RASSF7: variants seen among roughly 807,000 people sequenced by gnomAD.
RASSF7 encodes ras association domain-containing protein 7.
A neutral mutation model predicts 33.8 loss-of-function variants in RASSF7; 41 were observed. The observed-to-expected ratio is 1.21, with a 90% CI of 0.95 to 1.57. RASSF7 has a LOEUF of 1.57. Ranked by LOEUF, RASSF7 falls within the 40% of genes most tolerant of loss-of-function variation. The pLI is 0.00. For missense variants in RASSF7, 622 were observed against 497.0 expected (o/e 1.25, Z -2.39); for synonymous variants, 298 against 212.8 (o/e 1.40, Z -3.48).
In RASSF7 at chr11:561,412, G is replaced by A; in HGVS notation, c.-73G>A. ...GGGGTGGGGCGTTCCCATGCCGGCG[G>A]CCGCGGGGCCTGGCGTGCGGGCGCC... On this transcript the variant is annotated 5_prime_UTR_variant, in exon 1 of 6. Coordinates refer to ENST00000397583, the MANE Select transcript of RASSF7 (RefSeq NM_003475.4). The A allele has an allele frequency of 8.8e-7, 1 of 1,130,002 alleles. No individual in the cohort carries two copies. The highest frequency in any genetic ancestry group is 1.1e-6 in the Non-Finnish European group (1 of 918,490). 70.0% of individuals were successfully genotyped at this position (1,130,002 alleles called of 1,614,324 possible). A position where few individuals can be genotyped will look rare whatever the true frequency, so the allele number is the denominator to read the frequency against.
chr11:562,359 C>T lies in RASSF7; in HGVS notation c.405C>T (p.Ser135=), dbSNP rs1853368987. 2 of 1,599,540 alleles carry T rather than the reference C, an allele frequency of 1.3e-6. No individual in the cohort carries two copies. The highest frequency in any genetic ancestry group is 2.7e-5 in the African/African-American group (2 of 74,702). ...RKTLTPEPAP[S]LSRPGPAAPV... The stretch of plus-strand genomic sequence containing the variant: ...CACTGACCCCCGAGCCAGCCCCCAG[C>T]CTCTCACGCCCTGGGCCTGCGGCCC... The change falls in exon 3 of 6, where the codon AGC becomes AGT. Residue 135 remains serine (S), a synonymous_variant. Transcript: ENST00000397583.
Position 562,734 on chromosome 11 carries a change from T to C in RASSF7, c.780T>C (p.Ala260=). 6.5e-7 allele frequency: 1 copy of C among 1,533,166 alleles called. No individual in the cohort carries two copies. The allele number at this position is 1,533,166 out of a possible 1,614,324, so 95.0% of individuals were successfully genotyped here. ...GTGCGGAGGTGCAGGGCAGCCTGGC[T>C]CTGGTGAGCCGGGCCCTGGAGGCAG... ...RQSAEVQGSL[A]LVSRALEAAE... is the part of the protein sequence containing the mutation. Residue 260 remains alanine (A), a synonymous_variant, in exon 3 of 6, where the codon GCT becomes GCC. Coordinates refer to ENST00000397583, the MANE Select transcript of RASSF7 (RefSeq NM_003475.4).
At position 562,434 on chromosome 11, in the gene RASSF7, CAGGGTGCAGA is replaced by C. The variant is rs1564823911; in HGVS notation, c.481_490del (p.Arg161GlyfsTer33). On this transcript the variant is annotated frameshift_variant, in exon 3 of 6. Coordinates refer to ENST00000397583, the MANE Select transcript of RASSF7 (RefSeq NM_003475.4). LOFTEE classifies it high-confidence loss of function. ...GCACAGACCTGCGGGGCCTGGAGCT[CAGGGTGCAGA>C]GGAATGCTGAGGAGCTGGGCCATGA... 7.1e-6 allele frequency: 11 copies of C among 1,552,900 alleles called. No individual in the cohort carries two copies. The highest frequency in any genetic ancestry group is 9.6e-6 in the Non-Finnish European group (11 of 1,148,088).
Position 563,475 on chromosome 11 carries a change from G to T in RASSF7, c.1031G>T (p.Arg344Leu), listed in dbSNP as rs757318738. Residue 344 changes from arginine to leucine, a missense_variant, in exon 5 of 6, where the codon CGA (arginine) becomes CTA (leucine). Coordinates refer to ENST00000397583, the MANE Select transcript of RASSF7 (RefSeq NM_003475.4). Reference protein sequence around the residue: ...ESHAGAQPRPRGGPHDAELLE... With the variant: ...ESHAGAQPRPLGGPHDAELLE... ...CATGCTGGTGCCCAGCCTAGGCCCC[G>T]AGGGTATGTCTGTGCCCCACCTCCC... is the stretch of plus-strand genomic sequence containing the variant. 2 of 1,610,240 alleles carry T rather than the reference G, an allele frequency of 1.2e-6. No individual in the cohort carries two copies. Among genetic ancestry groups the T allele is most frequent in the Non-Finnish European group, 8.5e-7 (1 of 1,179,154 alleles).
rs922174938 is a variant in RASSF7 at position 561,293 on chromosome 11, G to A, written c.-192G>A. On this transcript the variant is annotated 5_prime_UTR_variant, in exon 1 of 6. Transcript: ENST00000397583. ...TAGGCGGCAGCGGCGGGGCTCCCCG[G>A]GCTGGCGGGGGCTGCTCAGACCCGG... The A allele has an allele frequency of 1.6e-4, 159 of 986,428 alleles. No individual in the cohort carries two copies. The African/African-American group carries it at 2.4e-3, about 15-fold the overall frequency. 61.1% of individuals were successfully genotyped at this position (986,428 alleles called of 1,614,324 possible).
chr11:561,732 CCTGACCCG>C, intron 1 of RASSF7, 22 bp from the exon 2 acceptor site: 1 of 1,612,262 alleles, frequency 6.2e-7, no homozygotes, highest in Middle Eastern at 1.7e-4. Flanking sequence ...GTAGGCAGGT[CCTGACCCG>C]GTGCCTGCGC....
intron 1 of RASSF7, 58 bp from the exon 2 acceptor site, chr11:561,704 G>C: frequency 6.2e-7 from 1 of 1,605,818 alleles, no homozygotes; most frequent in Middle Eastern, 2.0e-4. Context: ...AGGAGAGGAG[G>C]ACCAGCCTGC....
At chr11:561,669 G>C in intron 1 of RASSF7, 93 bp from the exon 2 acceptor site, 1 of 1,557,570 alleles carries the variant, frequency 6.4e-7, no homozygotes. Flanking sequence ...CAGCCCAGCC[G>C]TTTCTAGGGC....
rs1191200957 is a variant in RASSF7, at chr11:563,910, G to A, written c.*265G>A. 3 of 561,620 alleles carry A rather than the reference G, an allele frequency of 5.3e-6. No individual in the cohort carries two copies. The highest frequency in any genetic ancestry group is 9.5e-6 in the Non-Finnish European group (3 of 317,080). 34.8% of individuals were successfully genotyped at this position (561,620 alleles called of 1,614,324 possible). ...GCATGGACAGTGTGCTCAAGCTGTG[G>A]GCATGTGCTTGCCTGCGGGAGAGGT... On this transcript the variant is annotated 3_prime_UTR_variant, in exon 6 of 6. Transcript: ENST00000397583.
chr11:561,610 C>A, intron 1 of RASSF7, 133 bp downstream of exon 1: 1 of 1,405,564 alleles, frequency 7.1e-7, no homozygotes, highest in Non-Finnish European at 9.4e-7. Flanking sequence ...GAATGTGTGG[C>A]TGGCGGGTGG....
At position 563,216 on chromosome 11, in the gene RASSF7, A is replaced by G; in HGVS notation, c.850A>G (p.Asn284Asp). ...TCAGGCTCAGGAGCTGGAGGAGCTG[A>G]ACCGAGAGCTCCGTCAGTGCAACCT... is the stretch of plus-strand genomic sequence containing the variant. ...QAQAQELEEL[N>D]RELRQCNLQQ... Residue 284 changes from asparagine (N) to aspartate (D), a missense_variant, in exon 4 of 6, where the codon AAC (asparagine) becomes GAC (aspartate). By Grantham distance (23) the Asn-to-Asp change is conservative. Transcript: ENST00000397583. The G allele has an allele frequency of 6.3e-7, 1 of 1,594,740 alleles. No individual in the cohort carries two copies. Among genetic ancestry groups the G allele is most frequent in the Non-Finnish European group, 8.6e-7 (1 of 1,167,536 alleles).
chr11:561,019 C>G lies in RASSF7; in HGVS notation c.-466C>G, dbSNP rs561170051. The G allele has an allele frequency of 2.0e-6, 2 of 1,013,418 alleles. No homozygotes were observed. Among genetic ancestry groups the G allele is most frequent in the Middle Eastern group, 4.8e-4 (1 of 2,104 alleles). 62.8% of individuals were successfully genotyped at this position (1,013,418 alleles called of 1,614,324 possible). A position where few individuals can be genotyped will look rare whatever the true frequency, so the allele number is the denominator to read the frequency against. On this transcript the variant is annotated 5_prime_UTR_variant, in exon 1 of 6. Coordinates refer to ENST00000397583, the MANE Select transcript of RASSF7 (RefSeq NM_003475.4). The stretch of plus-strand genomic sequence containing the variant: ...GGCGGCGCCGGAGCGGGTCTCCAGG[C>G]TGGCGAGCGCCCAGGTGAGCCGCGC...
Position 561,997 on chromosome 11 carries a change from C to T in RASSF7, c.125-82C>T. 1.9e-6 allele frequency: 3 copies of T among 1,540,316 alleles called. No individual in the cohort carries two copies. The Admixed American group carries it at 5.9e-5, about 30-fold the overall frequency. The stretch of plus-strand genomic sequence containing the variant: ...AAGGAGAGTGGGGCTGGTTGCTGAT[C>T]CTTTTTGTTCTTCCCAACTCTTCAA... On this transcript the variant is annotated intron_variant, in intron 2 of 5. Transcript: ENST00000397583.
chr11:563,165 C>T, intron 3 of RASSF7, 24 bp from the exon 4 acceptor site: 4 of 1,547,204 alleles, frequency 2.6e-6, no homozygotes, highest in South Asian at 1.2e-5. Flanking sequence ...GGCTGTGCCT[C>T]CTAAGGATCT....
chr11:563,159 G>A (rs754474866), intron 3 of RASSF7, 30 bp from the exon 4 acceptor site: 1 of 1,535,956 alleles, frequency 6.5e-7, no homozygotes, highest in South Asian at 1.2e-5. Flanking sequence ...CCCAGTGGCT[G>A]TGCCTCCTAA....
Position 561,076 on chromosome 11 carries a change from G to C in RASSF7, c.-409G>C, listed in dbSNP as rs1201474262. 1.0e-6 allele frequency: 1 copy of C among 988,406 alleles called. No individual in the cohort carries two copies. The highest frequency in any genetic ancestry group is 6.1e-5 in the Admixed American group (1 of 16,298). The allele number at this position is 988,406 out of a possible 1,614,324, so 61.2% of individuals were successfully genotyped here. ...CCCGGTACTTGGGAGCGCGGGGCGCGCCTCGAGCCGGCCGGACGCCGACTC... is the reference window on the plus strand; with the variant it reads ...CCCGGTACTTGGGAGCGCGGGGCGCCCCTCGAGCCGGCCGGACGCCGACTC... On this transcript the variant is annotated 5_prime_UTR_variant, in exon 1 of 6. Transcript: ENST00000397583.
Position 562,383 on chromosome 11 carries a change from C to T in RASSF7, c.429C>T (p.Ala143=). 1 of 1,579,630 alleles carries T rather than the reference C, an allele frequency of 6.3e-7. No individual in the cohort carries two copies. The highest frequency in any genetic ancestry group is 1.1e-5 in the South Asian group (1 of 87,384). The change falls in exon 3 of 6, where the codon GCC becomes GCT. Residue 143 remains alanine, a synonymous_variant. Transcript: ENST00000397583. Reference sequence around the variant, plus strand: ...GCCTCTCACGCCCTGGGCCTGCGGCCCCTGTGACACCCACACCAGGCTGCT... The same window carrying T: ...GCCTCTCACGCCCTGGGCCTGCGGCTCCTGTGACACCCACACCAGGCTGCT... ...APSLSRPGPA[A]PVTPTPGCCT... is the part of the protein sequence containing the mutation.
In RASSF7 at chr11:562,470, G is replaced by A. The variant is rs201015304; in HGVS notation, c.516G>A (p.Glu172=). The part of the protein sequence containing the change: ...VQRNAEELGH[E]AFWEQELRRE... ...GGAATGCTGAGGAGCTGGGCCATGAGGCCTTCTGGGAGCAAGAGCTGCGCC... is the reference window on the plus strand; with the variant it reads ...GGAATGCTGAGGAGCTGGGCCATGAAGCCTTCTGGGAGCAAGAGCTGCGCC... Residue 172 remains glutamate, a synonymous_variant, in exon 3 of 6, where the codon GAG becomes GAA. Transcript: ENST00000397583. The A allele has an allele frequency of 1.3e-6, 2 of 1,550,500 alleles. No individual in the cohort carries two copies. Among genetic ancestry groups the A allele is most frequent in the Non-Finnish European group, 1.7e-6 (2 of 1,146,970 alleles).
Position 563,582 on chromosome 11 carries a change from G to A in RASSF7, c.1059G>A (p.Leu353=), listed in dbSNP as rs1330689493. The A allele has an allele frequency of 1.9e-6, 3 of 1,612,084 alleles. No homozygotes were observed. Among genetic ancestry groups the A allele is most frequent in the Admixed American group, 1.7e-5 (1 of 59,976 alleles). The part of the protein sequence containing the change: ...PRGGPHDAEL[L]EVAAAPAPEW... Reference sequence around the variant, plus strand: ...GTGGCCCCCATGACGCAGAACTCCTGGAGGTAGCAGCAGCTCCTGCCCCAG... The same window carrying A: ...GTGGCCCCCATGACGCAGAACTCCTAGAGGTAGCAGCAGCTCCTGCCCCAG... The change falls in exon 6 of 6, where the codon CTG becomes CTA. Residue 353 remains leucine (L), a synonymous_variant. Transcript: ENST00000397583.
Sources: gnomAD v4.1 joint callset for allele counts on GRCh38, gnomAD v4.1.1 for gene constraint, MANE v1.5 for transcripts, NCBI Gene and HGNC (gene_info 2026-07-23, HGNC 2026-07-21) for gene names.